The following ZC3H12B variants were observed in gnomAD, a reference collection of about 807,000 sequenced individuals.
ZC3H12B encodes probable ribonuclease ZC3H12B.
A neutral mutation model predicts 43.9 loss-of-function variants in ZC3H12B; 7 were observed. The observed-to-expected ratio is 0.16, with a 90% confidence interval of 0.09 to 0.30. ZC3H12B has a LOEUF of 0.30. ZC3H12B is among the 10% of genes least tolerant of loss of function. ZC3H12B has a pLI of 1.00. For synonymous variants in ZC3H12B, 222 were observed against 241.7 expected, an observed-to-expected ratio of 0.92 and a Z score of 0.76; for missense variants, 475 against 670.2, an observed-to-expected ratio of 0.71 and a Z score of 3.22.
upstream of ZC3H12B, among the ~76,000 whole-genome samples, chrX:65,484,333 C>T (rs140003701): frequency 5.9e-3 from 658 of 111,674 alleles, 7 homozygotes; most frequent in Non-Finnish European, 9.6e-3. Flanking sequence ...CAAACCTGCA[C>T]ATGTAGCCCT....
rs765869120 is a variant in ZC3H12B, at chrX:65,382,820, G to T, written n.295+13822G>T. Among the ~76,000 whole-genome samples, 3 of 111,321 alleles carry T rather than the reference G, an allele frequency of 2.7e-5. No individual in the cohort carries two copies. In the South Asian group the frequency reaches 1.1e-3, roughly 42 times the overall value. On this transcript the variant is annotated intron_variant and non_coding_transcript_variant, in intron 2 of 5. Coordinates refer to the ZC3H12B transcript ENST00000617377. ...CTTGTACACCAACAACAGACAAACA[G>T]AGAGCCAAATCATGAGTGAACTCCC...
At chrX:65,365,890 C>A (rs1302412294), upstream of ZC3H12B, among the ~76,000 whole-genome samples, 1 of 109,904 alleles carries the variant, frequency 9.1e-6, no homozygotes, top group African/African-American at 3.3e-5. Flanking sequence ...TAAAACGACC[C>A]CACTGCGATC....
At chrX:65,207,230 A>G in the ZC3H12B span, among the ~76,000 whole-genome samples, 5 of 103,289 alleles carry the variant, frequency 4.8e-5, no homozygotes, top group Non-Finnish European at 9.8e-5. Flanking sequence ...GAGCACATAT[A>G]TGTGTGTGTG....
the ZC3H12B span, among the ~76,000 whole-genome samples, chrX:65,353,062 G>T: frequency 1.8e-5 from 2 of 110,008 alleles, no homozygotes; most frequent in Non-Finnish European, 3.8e-5. Context: ...TCACCATGTT[G>T]CCCAGGCTGG....
At chrX:65,086,387 G>T in the ZC3H12B span, among the ~76,000 whole-genome samples, 3 of 110,925 alleles carry the variant, frequency 2.7e-5, no homozygotes, top group South Asian at 1.2e-3. Flanking sequence ...CCACCAGGAT[G>T]CAGATAGTCT....
the ZC3H12B span, among the ~76,000 whole-genome samples, chrX:65,280,670 T>G: frequency 8.9e-6 from 1 of 112,093 alleles, no homozygotes; most frequent in African/African-American, 3.2e-5. Context: ...TTAGAATTGA[T>G]AAACAAATTC....
chrX:65,259,524 G>A, the ZC3H12B span, among the ~76,000 whole-genome samples: 1 of 111,836 alleles, frequency 8.9e-6, no homozygotes, highest in Non-Finnish European at 1.9e-5. Flanking sequence ...TGATGAAGAT[G>A]CCAAAACCAA....
the ZC3H12B span, chrX:65,185,851 A>G: frequency 9.0e-6 from 1 of 111,613 alleles, no homozygotes; most frequent in African/African-American, 3.3e-5. Flanking sequence ...AAGATTTCCT[A>G]AAGCTCATAT....
At chrX:65,187,344 A>T in the ZC3H12B span, 1 of 111,820 alleles carries the variant, frequency 8.9e-6, no homozygotes, top group East Asian at 2.8e-4. Flanking sequence ...CAAGGCTCAC[A>T]GGCCTCAGGT....
chrX:65,156,650 G>A, the ZC3H12B span, among the ~76,000 whole-genome samples: 15 of 110,925 alleles, frequency 1.4e-4, no homozygotes, highest in Non-Finnish European at 2.5e-4. Flanking sequence ...CAAAGTGCTG[G>A]GATTACAGGC....
chrX:65,432,190 G>C (rs937019759), intron 3 of ZC3H12B, among the ~76,000 whole-genome samples: 1 of 111,468 alleles, frequency 9.0e-6, no homozygotes, highest in African/African-American at 3.3e-5. Flanking sequence ...ATTTTATGAT[G>C]GAGTACTGCT....
chrX:65,037,922 T>C, the ZC3H12B span, among the ~76,000 whole-genome samples: 1 of 111,142 alleles, frequency 9.0e-6, no homozygotes, highest in Admixed American at 9.6e-5. Flanking sequence ...TATCATGTTA[T>C]TAATGTATAT....
intron 3 of ZC3H12B, among the ~76,000 whole-genome samples, chrX:65,449,399 A>T (rs1337281561): frequency 9.0e-6 from 1 of 111,381 alleles, no homozygotes; most frequent in South Asian, 3.8e-4. Context: ...CGGGCGGATC[A>T]CCTGAGGTCA....
the ZC3H12B span, among the ~76,000 whole-genome samples, chrX:65,168,686 G>A: frequency 4.5e-5 from 5 of 110,867 alleles, no homozygotes; most frequent in East Asian, 1.4e-3. Flanking sequence ...TTTTTTGATT[G>A]GTAGGCTATT....
the ZC3H12B span, among the ~76,000 whole-genome samples, chrX:65,177,864 G>C: frequency 1.8e-5 from 2 of 112,214 alleles, no homozygotes; most frequent in African/African-American, 6.5e-5. Flanking sequence ...GTAATTTATA[G>C]ATTCATTGCT....
At chrX:65,419,340 G>T (rs769148850) in intron 3 of ZC3H12B, among the ~76,000 whole-genome samples, 9 of 111,806 alleles carry the variant, frequency 8.0e-5, no homozygotes, top group Non-Finnish European at 1.1e-4. Context: ...TGCAGGGGTG[G>T]TGATTCGCAT....
the ZC3H12B span, among the ~76,000 whole-genome samples, chrX:65,318,938 A>G: frequency 1.8e-5 from 2 of 111,700 alleles, no homozygotes; most frequent in Non-Finnish European, 3.8e-5. Context: ...GTTAAGATGG[A>G]ATAGTATAGC....
intron 3 of ZC3H12B, chrX:65,469,474 G>C: frequency 2.1e-5 from 8 of 388,691 alleles, no homozygotes; most frequent in Non-Finnish European, 3.8e-5. Flanking sequence ...GAGCTCACTG[G>C]CTGCCACAAA....
chrX:65,039,936 G>A, the ZC3H12B span, among the ~76,000 whole-genome samples: 48 of 111,238 alleles, frequency 4.3e-4, 1 homozygote, highest in South Asian at 0.016. Flanking sequence ...TCCTCATTGC[G>A]TGTTTACCAT....
Sources: gnomAD v4.1 joint callset for allele counts (sites outside exome capture counted in the v4.1 genomes callset) on GRCh38, gnomAD v4.1.1 for gene constraint, MANE v1.5 for transcripts, NCBI Gene and HGNC (gene_info 2026-07-23, HGNC 2026-07-21) for gene names.